Variants in KALRN observed in about 807,000 individuals in gnomAD.
The protein encoded by KALRN is kalirin RhoGEF kinase.
Under a neutral mutation model 353.7 loss-of-function variants are expected in KALRN, and 70 were observed. That is an observed-to-expected ratio of 0.20 (90% CI 0.16 to 0.24). The LOEUF is 0.24. Among genes scored for constraint, KALRN ranks in the 10% least tolerant of loss-of-function variants. The pLI is 1.00. For missense variants in KALRN, 2,791 were observed against 3,756.7 expected, an observed-to-expected ratio of 0.74 and a Z score of 6.72; for synonymous variants, 1,391 against 1,434.8, an observed-to-expected ratio of 0.97 and a Z score of 0.69.
intron 34 of KALRN, among the ~76,000 whole-genome samples, chr3:124,607,414 A>C (rs1464343248): frequency 2.0e-5 from 3 of 152,274 alleles, no homozygotes; most frequent in Non-Finnish European, 4.4e-5. Flanking sequence ...GTAGCAGAGT[A>C]GAATTGATTT....
chr3:124,597,673 G>A (rs1356000609), intron 34 of KALRN, among the ~76,000 whole-genome samples: 2 of 152,136 alleles, frequency 1.3e-5, no homozygotes, highest in Non-Finnish European at 2.9e-5. Flanking sequence ...CTGAAATGAG[G>A]CCAGTCCAAA....
chr3:124,496,476 A>G, intron 33 of KALRN, 63 bp downstream of exon 33: 1 of 1,185,910 alleles, frequency 8.4e-7, no homozygotes, highest in East Asian at 2.3e-5. Context: ...ACCCCTGGAG[A>G]GGTACCCCTA....
intron 6 of KALRN, among the ~76,000 whole-genome samples, chr3:124,321,836 G>A (rs1163984045): frequency 6.6e-6 from 1 of 152,198 alleles, no homozygotes; most frequent in Non-Finnish European, 1.5e-5. Flanking sequence ...CATGCTGCAG[G>A]TGCATTGCCT....
At position 124,632,794 on chromosome 3, in the gene KALRN, TC is replaced by T; in HGVS notation, c.5466+93del. Reference sequence around the variant, plus strand: ...TTTGTCAACTAGGCCATCTCAAATCTCCATTAGTGTGTTACCTTGAGCCTAA... The same window carrying T: ...TTTGTCAACTAGGCCATCTCAAATCTCATTAGTGTGTTACCTTGAGCCTAA... On this transcript the variant is annotated intron_variant, in intron 35 of 59. Coordinates refer to ENST00000682506, the MANE Select transcript of KALRN (RefSeq NM_001388419.1). 4 of 1,190,208 alleles carry T rather than the reference TC, an allele frequency of 3.4e-6. No homozygotes were observed. The South Asian group carries it at 4.3e-5, about 13-fold the overall frequency. 73.7% of individuals were successfully genotyped at this position (1,190,208 alleles called of 1,614,324 possible).
intron 5 of KALRN, among the ~76,000 whole-genome samples, chr3:124,296,799 C>A (rs1296224434): frequency 6.6e-6 from 1 of 152,244 alleles, no homozygotes; most frequent in East Asian, 1.9e-4. Context: ...TGTCGCTTTG[C>A]CTGAGCATGC....
At chr3:124,080,667 A>G (rs551622209) in intron 1 of KALRN, among the ~76,000 whole-genome samples, 99 of 152,296 alleles carry the variant, frequency 6.5e-4, no homozygotes, top group African/African-American at 2.4e-3. Flanking sequence ...CCTTGTACAC[A>G]TGTACAAGTG....
chr3:124,663,539 A>T (rs1345314624), intron 45 of KALRN, among the ~76,000 whole-genome samples: 1 of 152,184 alleles, frequency 6.6e-6, no homozygotes, highest in East Asian at 1.9e-4. Flanking sequence ...TAAATTAACC[A>T]CACACAATAT....
At chr3:124,220,446 C>G (rs2077767946) in intron 1 of KALRN, among the ~76,000 whole-genome samples, 1 of 151,878 alleles carries the variant, frequency 6.6e-6, no homozygotes, top group African/African-American at 2.4e-5. Flanking sequence ...TTATCTCTTG[C>G]TCTTACCCCT....
chr3:124,517,352 T>C (rs546865571), intron 33 of KALRN, among the ~76,000 whole-genome samples: 2 of 152,328 alleles, frequency 1.3e-5, no homozygotes, highest in African/African-American at 2.4e-5. Context: ...TTTGCCCAGC[T>C]GGAGTTCTTA....
intron 15 of KALRN, among the ~76,000 whole-genome samples, chr3:124,427,589 A>G (rs952042384): frequency 9.2e-5 from 14 of 152,186 alleles, no homozygotes; most frequent in African/African-American, 1.9e-4. Flanking sequence ...AATCAAATCC[A>G]TTCTCCTGAC....
At chr3:124,610,594 A>G (rs911119750) in intron 34 of KALRN, among the ~76,000 whole-genome samples, 3 of 151,818 alleles carry the variant, frequency 2.0e-5, no homozygotes, top group East Asian at 1.9e-4. Context: ...GTGGGTTTGC[A>G]TAGGAAAGGT....
intron 33 of KALRN, among the ~76,000 whole-genome samples, chr3:124,553,903 C>T (rs979094939): frequency 2.0e-5 from 3 of 152,256 alleles, no homozygotes; most frequent in Non-Finnish European, 2.9e-5. Context: ...GTGGGTTCCC[C>T]AGGGGCAATG....
chr3:124,352,960 C>T (rs563849415), intron 10 of KALRN, among the ~76,000 whole-genome samples: 7 of 152,092 alleles, frequency 4.6e-5, no homozygotes, highest in African/African-American at 1.7e-4. Context: ...ACATGTATAC[C>T]TATGTAACAA....
chr3:124,225,756 C>T (rs146159130), intron 1 of KALRN, among the ~76,000 whole-genome samples: 11 of 152,222 alleles, frequency 7.2e-5, no homozygotes, highest in African/African-American at 2.2e-4. Context: ...GAAACCCTTC[C>T]TTAAGATCTT....
At chr3:124,672,854 T>A (rs1209463673) in intron 48 of KALRN, among the ~76,000 whole-genome samples, 1 of 152,218 alleles carries the variant, frequency 6.6e-6, no homozygotes, top group Non-Finnish European at 1.5e-5. Flanking sequence ...TAGAACTCAG[T>A]GGCTCTATGA....
In KALRN at chr3:124,455,192, G is replaced by C; in HGVS notation, c.3568G>C (p.Val1190Leu). ...TTTGGGGCAGCAAACAAAGGAGAAG[G>C]TGAAGCTTCTGATTCAGCTGGCCGA... ...RVPAKQTKEK[V>L]KLLIQLADSF... The change falls in exon 22 of 60, where the codon GTG (valine) becomes CTG (leucine). Residue 1190 changes from valine (V) to leucine (L), a missense_variant. Physicochemically the swap from Val to Leu is conservative, Grantham distance 32 (BLOSUM62 1). Around this residue, in one of 11 missense-constraint regions of KALRN, gnomAD observed 268 missense variants for 347.0 expected, o/e 0.77. Coordinates refer to ENST00000682506, the MANE Select transcript of KALRN (RefSeq NM_001388419.1). 6.2e-7 allele frequency: 1 copy of C among 1,614,152 alleles called. No homozygotes were observed. The highest frequency in any genetic ancestry group is 8.5e-7 in the Non-Finnish European group (1 of 1,180,010).
intron 2 of KALRN, 130 bp from the exon 3 acceptor site, chr3:124,234,699 C>T (rs1423462174): frequency 2.9e-6 from 2 of 687,240 alleles, no homozygotes; most frequent in Non-Finnish European, 5.1e-6. Flanking sequence ...TTGTCCTAAG[C>T]AGTGACCAGA....
intron 1 of KALRN, chr3:124,164,142 TCTCTGTGCA>T (rs1188973727): frequency 1.8e-4 from 37 of 211,382 alleles, no homozygotes; most frequent in Middle Eastern, 2.4e-3. Flanking sequence ...GCATATAAAA[TCTCTGTGCA>T]CTGCCAGGGG....
At chr3:124,146,475 C>T (rs925666377) in intron 1 of KALRN, among the ~76,000 whole-genome samples, 1 of 152,106 alleles carries the variant, frequency 6.6e-6, no homozygotes, top group Non-Finnish European at 1.5e-5. Flanking sequence ...ACTGAGCCTT[C>T]ACTGCAAATG....
Sources: gnomAD v4.1 joint callset for allele counts (sites outside exome capture counted in the v4.1 genomes callset) on GRCh38, gnomAD v4.1.1 for gene constraint, gnomAD v4.1.1 regional missense constraint, MANE v1.5 for transcripts, NCBI Gene and HGNC (gene_info 2026-07-23, HGNC 2026-07-21) for gene names.